NUCB1: variants seen among roughly 807,000 people sequenced by gnomAD.
NUCB1 encodes the protein nucleobindin 1.
In NUCB1, 47 loss-of-function variants were observed where a neutral mutation model predicts 61.2. The ratio of observed to expected loss-of-function variants is 0.77; its 90% CI spans 0.61 to 0.98. NUCB1 has a LOEUF of 0.98. Among genes scored for constraint, NUCB1 ranks in the 50% least tolerant of loss-of-function variants. The pLI is 0.00. For missense variants in NUCB1, 583 were observed against 605.3 expected (o/e 0.96, Z 0.39); for synonymous variants, 234 against 243.1 (o/e 0.96, Z 0.35).
chr19:48,917,806 CTTTT>C (rs60037055), intron 7 of NUCB1, among the ~76,000 whole-genome samples: 1 of 139,262 alleles, frequency 7.2e-6, no homozygotes, highest in African/African-American at 2.7e-5. Flanking sequence ...CAATTTTTTA[CTTTT>C]TTTTTTTTTT....
rs915844779 is a variant in NUCB1 at position 48,904,473 on chromosome 19, G to A, written c.243+19G>A. ...CATCAAGGTGCGGCTGGGGGAGTGG[G>A]GGCTGTGGGAGGGGTACGTGCTGGG... is the stretch of plus-strand genomic sequence containing the variant. On this transcript the variant is annotated intron_variant, in intron 3 of 12. Coordinates refer to ENST00000405315, the MANE Select transcript of NUCB1 (RefSeq NM_006184.6). The A allele has an allele frequency of 2.6e-6, 4 of 1,545,444 alleles. No individual in the cohort carries two copies. The African/African-American group carries it at 4.1e-5, about 16-fold the overall frequency.
intron 4 of NUCB1, among the ~76,000 whole-genome samples, chr19:48,907,338 C>T (rs112299301): frequency 0.1 from 14,584 of 144,428 alleles, 810 homozygotes; most frequent in South Asian, 0.15. Flanking sequence ...TACAGTGGCG[C>T]GATCTCGGCT....
chr19:48,908,695 G>GTGTGTGTC (rs1269071160), intron 4 of NUCB1, among the ~76,000 whole-genome samples: 2 of 138,398 alleles, frequency 1.4e-5, no homozygotes, highest in South Asian at 2.3e-4. Context: ...GTGTGTGTGT[G>GTGTGTGTC]TGTCTTTCTG....
In NUCB1 at chr19:48,919,082, A is replaced by C; in HGVS notation, c.869A>C (p.Glu290Ala). 6.2e-7 allele frequency: 1 copy of C among 1,614,064 alleles called. No individual in the cohort carries two copies. Among genetic ancestry groups the C allele is most frequent in the Non-Finnish European group, 8.5e-7 (1 of 1,180,004 alleles). ...KNEEDDMREM[E>A]EERLRMREHV... Reference sequence around the variant, plus strand: ...GAGGAGGACGACATGCGGGAGATGGAGGAGGAGCGACTGCGCATGCGGGAG... The same window carrying C: ...GAGGAGGACGACATGCGGGAGATGGCGGAGGAGCGACTGCGCATGCGGGAG... The change falls in exon 9 of 13, where the codon GAG becomes GCG. Residue 290 changes from glutamate to alanine, a missense_variant. Glu to Ala is a moderately radical substitution (Grantham distance 107, BLOSUM62 -1). Transcript: ENST00000405315.
At chr19:48,904,485 G>T in intron 3 of NUCB1, 31 bp downstream of exon 3, 1 of 1,425,970 alleles carries the variant, frequency 7.0e-7, no homozygotes. Context: ...GCTGTGGGAG[G>T]GGTACGTGCT....
intron 1 of NUCB1, 80 bp from the exon 2 acceptor site, chr19:48,900,706 G>A: frequency 6.5e-7 from 1 of 1,526,842 alleles, no homozygotes; most frequent in Non-Finnish European, 8.8e-7. Flanking sequence ...GGCGGCGCTG[G>A]GGGCCCGAAC....
chr19:48,907,843 A>G (rs989520822), intron 4 of NUCB1, among the ~76,000 whole-genome samples: 2 of 151,624 alleles, frequency 1.3e-5, no homozygotes, highest in African/African-American at 2.4e-5. Flanking sequence ...CCCTTCCCGT[A>G]TGCACCCTGA....
intron 8 of NUCB1, 109 bp from the exon 9 acceptor site, chr19:48,918,921 G>A (rs1424737068): frequency 7.5e-7 from 1 of 1,336,988 alleles, no homozygotes; most frequent in African/African-American, 1.4e-5. Flanking sequence ...GGGCAAAAAC[G>A]GCTCCCAGGA....
chr19:48,904,490 C>A, intron 3 of NUCB1, 36 bp downstream of exon 3: 1 of 1,326,344 alleles, frequency 7.5e-7, no homozygotes, highest in Non-Finnish European at 1.1e-6. Flanking sequence ...GGGAGGGGTA[C>A]GTGCTGGGAG....
chr19:48,921,341 C>T lies in NUCB1; in HGVS notation c.1173+17C>T. The stretch of plus-strand genomic sequence containing the variant: ...CTGCAGCAGGTGACAGCGGGGGAAG[C>T]TGCTTCCATCCACTGAATCTCTGGC... On this transcript the variant is annotated intron_variant, in intron 11 of 12. Coordinates refer to ENST00000405315, the MANE Select transcript of NUCB1 (RefSeq NM_006184.6). 6.4e-7 allele frequency: 1 copy of T among 1,564,784 alleles called. No homozygotes were observed. The highest frequency in any genetic ancestry group is 8.7e-7 in the Non-Finnish European group (1 of 1,155,354).
rs1393407731 is a variant in NUCB1 at position 48,922,983 on chromosome 19, G to A, written c.*559G>A. The A allele has an allele frequency of 3.3e-5, 5 of 152,764 alleles. No homozygotes were observed. Among genetic ancestry groups the A allele is most frequent in the Middle Eastern group, 3.1e-3 (1 of 322 alleles). 9.5% of individuals were successfully genotyped at this position (152,764 alleles called of 1,614,324 possible). Reference sequence around the variant, plus strand: ...GGGGCAGGGGATCCTCAGTATAGCCGGTGAACCCTGATACCAGGAGCCTGG... The same window carrying A: ...GGGGCAGGGGATCCTCAGTATAGCCAGTGAACCCTGATACCAGGAGCCTGG... On this transcript the variant is annotated 3_prime_UTR_variant, in exon 13 of 13. Transcript: ENST00000405315.
chr19:48,921,106 G>T, intron 10 of NUCB1, 48 bp from the exon 11 acceptor site: 2 of 1,549,476 alleles, frequency 1.3e-6, no homozygotes, highest in Non-Finnish European at 1.7e-6. Context: ...ACATGGGTGG[G>T]CCGAGGTTGG....
intron 7 of NUCB1, 63 bp downstream of exon 7, chr19:48,913,627 G>C: frequency 1.5e-6 from 2 of 1,349,572 alleles, no homozygotes; most frequent in Non-Finnish European, 2.1e-6. Context: ...TCTAGGACCT[G>C]AATGCTAAGA....
rs2037347745 is a variant in NUCB1 at position 48,900,930 on chromosome 19, C to T, written c.134C>T (p.Pro45Leu). Residue 45 changes from proline (P) to leucine (L), a missense_variant and splice_region_variant, in exon 2 of 13, where the codon CCC (proline) becomes CTC (leucine). Physicochemically the swap from Pro to Leu is moderately conservative, Grantham distance 98. Transcript: ENST00000405315. ...GAGGAGACCCCTGCGACTGAGAGTC[C>T]CGTGAGTGGCCCTGCCCTGCTATCC... ...NKEETPATES[P>L]DTGLYYHRYL... 1 of 1,613,822 alleles carries T rather than the reference C, an allele frequency of 6.2e-7. No individual in the cohort carries two copies. Among genetic ancestry groups the T allele is most frequent in the Non-Finnish European group, 8.5e-7 (1 of 1,180,030 alleles).
rs200463558 is a variant in NUCB1 at position 48,919,261 on chromosome 19, T to G, written c.977T>G (p.Phe326Cys). 6.2e-7 allele frequency: 1 copy of G among 1,613,776 alleles called. No individual in the cohort carries two copies. Among genetic ancestry groups the G allele is most frequent in the Admixed American group, 1.7e-5 (1 of 59,966 alleles). The change falls in exon 10 of 13, where the codon TTT (phenylalanine) becomes TGT (cysteine). Residue 326 changes from phenylalanine (F) to cysteine (C), a missense_variant. Phe to Cys is a radical substitution (Grantham distance 205). Transcript: ENST00000405315. ...CTCGCATCCACTCAGAGGAAGGAGT[T>G]TGGGGACACCGGGGAGGGCTGGGAG... The part of the protein sequence containing the change: ...EFLASTQRKE[F>C]GDTGEGWETV...
chr19:48,922,128 T>C (rs1160494605), intron 12 of NUCB1, among the ~76,000 whole-genome samples, 190 bp from the exon 13 acceptor site: 3 of 89,188 alleles, frequency 3.4e-5, no homozygotes, highest in African/African-American at 1.4e-4. Flanking sequence ...GACCCCTGGG[T>C]GTGAGGGAGG....
intron 4 of NUCB1, among the ~76,000 whole-genome samples, chr19:48,910,114 C>CT (rs2122180434): frequency 6.6e-6 from 1 of 151,896 alleles, no homozygotes; most frequent in South Asian, 2.1e-4. Context: ...GAGTCTCACT[C>CT]TGTCACCAGG....
At chr19:48,900,961 G>C (rs1241920720) in intron 2 of NUCB1, 30 bp downstream of exon 2, 3 of 1,613,404 alleles carry the variant, frequency 1.9e-6, no homozygotes, top group Admixed American at 1.7e-5. Flanking sequence ...TATCCAGCCA[G>C]GTGTTTGCAG....
In NUCB1 at chr19:48,901,166, T is replaced by G. The variant is rs1244717903; in HGVS notation, c.135+235T>G. The G allele has an allele frequency of 9.8e-6, 6 of 611,212 alleles. No homozygotes were observed. The East Asian group carries it at 1.7e-4, about 17-fold the overall frequency. 37.9% of individuals were successfully genotyped at this position (611,212 alleles called of 1,614,324 possible). ...CGCCCCAACTAAACGTCTGTTTTTT[T>G]AAGATTCTCTCCACCCAAGAAGGAA... On this transcript the variant is annotated intron_variant, in intron 2 of 12. Coordinates refer to ENST00000405315, the MANE Select transcript of NUCB1 (RefSeq NM_006184.6).
Sources: gnomAD v4.1 joint callset for allele counts (sites outside exome capture counted in the v4.1 genomes callset) on GRCh38, gnomAD v4.1.1 for gene constraint, MANE v1.5 for transcripts, NCBI Gene and HGNC (gene_info 2026-07-23, HGNC 2026-07-21) for gene names.